The following SOX30 variants were observed in gnomAD, a reference collection of about 807,000 sequenced individuals.
SOX30 encodes the protein SRY-box transcription factor 30.
A neutral mutation model predicts 58.6 loss-of-function variants in SOX30; 17 were observed. That is an observed-to-expected ratio of 0.29 (90% CI 0.20 to 0.44). SOX30 has a LOEUF of 0.44. Ranked by LOEUF, SOX30 falls within the 20% of genes least tolerant of loss-of-function variation. SOX30 has a pLI of 1.00. For synonymous variants in SOX30, 421 were observed against 400.2 expected (o/e 1.05, Z -0.62); for missense variants, 951 against 965.8 (o/e 0.98, Z 0.20).
chr5:157,670,749 G>T (rs1332288217), intron 1 of SOX30, among the ~76,000 whole-genome samples: 1 of 152,170 alleles, frequency 6.6e-6, no homozygotes, highest in African/African-American at 2.4e-5. Context: ...AACCAGACCG[G>T]CATCTAGAGT....
rs1208035742 is a variant in SOX30, at chr5:157,638,489, C to G, written c.1621G>C (p.Glu541Gln). ...TVKQPTPVSL[E>Q]SANRISSSAS... is the part of the protein sequence containing the mutation. The stretch of plus-strand genomic sequence containing the variant: ...CTACTTGAAATCCTGTTGGCGCTCT[C>G]TAGAGAGACAGGAGTGGGTTGCTTC... Residue 541 changes from glutamate (E) to glutamine (Q), a missense_variant, in exon 4 of 5, where the codon GAG becomes CAG. Coordinates refer to ENST00000265007, the MANE Select transcript of SOX30 (RefSeq NM_178424.2). 6.2e-7 allele frequency: 1 copy of G among 1,614,176 alleles called. No homozygotes were observed. Among genetic ancestry groups the G allele is most frequent in the African/African-American group, 1.3e-5 (1 of 75,046 alleles).
Position 157,626,640 on chromosome 5 carries a change from G to A in SOX30, c.1962C>T (p.Asp654=). ...AGATACCCTCATGTTTTGGGTACCT[G>A]TCTTCATAATAACTAAGGCATTCTG... The part of the protein sequence containing the change: ...SMPECLSYYE[D]RYPKHEGIFS... The change falls in exon 5 of 5, where the codon GAC becomes GAT. Residue 654 remains aspartate, a synonymous_variant. Transcript: ENST00000265007. 1 of 1,614,104 alleles carries A rather than the reference G, an allele frequency of 6.2e-7. No homozygotes were observed. Among genetic ancestry groups the A allele is most frequent in the Non-Finnish European group, 8.5e-7 (1 of 1,180,002 alleles).
chr5:157,653,329 A>T (rs1340182219), upstream of SOX30, among the ~76,000 whole-genome samples: 1 of 133,684 alleles, frequency 7.5e-6, no homozygotes, highest in Non-Finnish European at 1.5e-5. Flanking sequence ...TTTTCATGTG[A>T]TGATTCCACT....
chr5:157,629,170 A>G (rs1758730339), intron 4 of SOX30, among the ~76,000 whole-genome samples: 1 of 152,206 alleles, frequency 6.6e-6, no homozygotes, highest in Admixed American at 6.5e-5. Context: ...AAATGTTCCC[A>G]ATATACAGAA....
At chr5:157,627,320 G>A (rs948366207) in intron 4 of SOX30, among the ~76,000 whole-genome samples, 7 of 152,026 alleles carry the variant, frequency 4.6e-5, no homozygotes, top group South Asian at 2.1e-4. Context: ...CCGAGACTGC[G>A]CCACTGCACT....
At chr5:157,671,429 G>A (rs1029214081) in exon 1 of SOX30, 4 of 588,332 alleles carry the variant, frequency 6.8e-6, no homozygotes, top group Admixed American at 6.7e-5. Context: ...CGTGGCCGCC[G>A]GACTCTGCAC....
At position 157,652,330 on chromosome 5, in the gene SOX30, A is replaced by G. The variant is rs1346030244; in HGVS notation, c.-252T>C. 3 of 1,207,814 alleles carry G rather than the reference A, an allele frequency of 2.5e-6. No individual in the cohort carries two copies. The highest frequency in any genetic ancestry group is 3.1e-6 in the Non-Finnish European group (3 of 973,574). The allele number at this position is 1,207,814 out of a possible 1,614,324, so 74.8% of individuals were successfully genotyped here. ...GTGCTGAGTCCTCGAATCACCTGCC[A>G]TGGTAGGAGCCGCCGCACTTGTTGC... On this transcript the variant is annotated 5_prime_UTR_variant, in exon 1 of 5. It removes an upstream start codon present in the reference 5' UTR. Coordinates refer to ENST00000265007, the MANE Select transcript of SOX30 (RefSeq NM_178424.2).
chr5:157,667,765 C>CATACATACAT (rs201558210), intron 2 of SOX30: 9 of 336,506 alleles, frequency 2.7e-5, no homozygotes, highest in Middle Eastern at 1.4e-3. Flanking sequence ...TACATACATA[C>CATACATACAT]ACACACACAC....
chr5:157,627,948 C>T (rs1275554129), intron 4 of SOX30, among the ~76,000 whole-genome samples: 3 of 150,530 alleles, frequency 2.0e-5, no homozygotes, highest in Non-Finnish European at 3.0e-5. Flanking sequence ...GAGCCGCGAT[C>T]ACGCCACCAC....
At chr5:157,641,975 G>A (rs1019571614) in intron 3 of SOX30, among the ~76,000 whole-genome samples, 4 of 152,170 alleles carry the variant, frequency 2.6e-5, no homozygotes, top group Non-Finnish European at 4.4e-5. Flanking sequence ...TACAGGACAA[G>A]TGATCGATTA....
chr5:157,662,956 G>A lies in SOX30; in HGVS notation c.52+4842C>T, dbSNP rs545539999. On this transcript the variant is annotated intron_variant, in intron 2 of 5. Transcript: ENST00000519442. Reference sequence around the variant, plus strand: ...GACCAATAACAGGCTCTGAAATTGAGGCAATAATTAATAGCCTACCAACCA... The same window carrying A: ...GACCAATAACAGGCTCTGAAATTGAAGCAATAATTAATAGCCTACCAACCA... Among the ~76,000 whole-genome samples, 18 of 152,250 alleles carry A rather than the reference G, an allele frequency of 1.2e-4. No homozygotes were observed. In the South Asian group the frequency reaches 3.7e-3, roughly 32 times the overall value.
At chr5:157,646,394 C>T (rs148984900) in intron 3 of SOX30, among the ~76,000 whole-genome samples, 6 of 152,256 alleles carry the variant, frequency 3.9e-5, no homozygotes, top group African/African-American at 1.2e-4. Context: ...ATGGGCTCAT[C>T]CTGATTTGCT....
chr5:157,628,646 T>TC (rs1312852864), intron 4 of SOX30, among the ~76,000 whole-genome samples: 1 of 149,768 alleles, frequency 6.7e-6, no homozygotes, highest in African/African-American at 2.4e-5. Flanking sequence ...TGTGCTTCTT[T>TC]TTTTTTTTTT....
At chr5:157,666,447 A>G (rs1319218018) in intron 2 of SOX30, among the ~76,000 whole-genome samples, 1 of 148,964 alleles carries the variant, frequency 6.7e-6, no homozygotes, top group Admixed American at 6.8e-5. Context: ...GTGAGCCACT[A>G]TGCCCAGATG....
Position 157,651,936 on chromosome 5 carries a change from C to G in SOX30, c.143G>C (p.Ser48Thr). ...PSSPTLSAAA[S>T]ATLASSCGEA... ...CCCGCACGACGAGGCCAAGGTCGCA[C>G]TGGCTGCCGCGCTCAGTGTGGGAGA... Residue 48 changes from serine to threonine, a missense_variant, in exon 1 of 5, where the codon AGT becomes ACT. By Grantham distance (58) the Ser-to-Thr change is moderately conservative. Around this residue, in one of 7 missense-constraint regions of SOX30, gnomAD observed 363 missense variants for 294.5 expected, o/e 1.23. Transcript: ENST00000265007. 1.3e-6 allele frequency: 2 copies of G among 1,496,396 alleles called. No homozygotes were observed. The highest frequency in any genetic ancestry group is 1.8e-6 in the Non-Finnish European group (2 of 1,127,626). The allele number at this position is 1,496,396 out of a possible 1,614,324, so 92.7% of individuals were successfully genotyped here.
At chr5:157,660,871 A>G (rs773050799) in intron 2 of SOX30, among the ~76,000 whole-genome samples, 1 of 152,220 alleles carries the variant, frequency 6.6e-6, no homozygotes, top group Non-Finnish European at 1.5e-5. Flanking sequence ...TAGAAATTAT[A>G]TTGAATCTAT....
intron 4 of SOX30, among the ~76,000 whole-genome samples, chr5:157,634,453 C>G (rs1758878682): frequency 7.4e-6 from 1 of 136,048 alleles, no homozygotes; most frequent in African/African-American, 3.3e-5. Flanking sequence ...CTGGGCCCAA[C>G]AGATTCTCTC....
chr5:157,631,061 A>ATATATATTT (rs1183768535), intron 4 of SOX30, among the ~76,000 whole-genome samples: 6 of 47,778 alleles, frequency 1.3e-4, no homozygotes, highest in African/African-American at 4.1e-4. Context: ...ATATATATAT[A>ATATATATTT]TATATATACA....
intron 3 of SOX30, among the ~76,000 whole-genome samples, chr5:157,640,253 T>C (rs986589202): frequency 2.0e-5 from 3 of 152,196 alleles, no homozygotes; most frequent in Non-Finnish European, 2.9e-5. Context: ...CGTATCCCAG[T>C]ATCTAGCCAG....
Sources: gnomAD v4.1 joint callset for allele counts (sites outside exome capture counted in the v4.1 genomes callset) on GRCh38, gnomAD v4.1.1 for gene constraint, gnomAD v4.1.1 regional missense constraint, MANE v1.5 for transcripts, NCBI Gene and HGNC (gene_info 2026-07-23, HGNC 2026-07-21) for gene names.